Variants in LRRTM4 observed in about 807,000 individuals in gnomAD.
The protein encoded by LRRTM4 is leucine rich repeat transmembrane neuronal 4.
A neutral mutation model predicts 47.6 loss-of-function variants in LRRTM4; 25 were observed. The ratio of observed to expected loss-of-function variants is 0.53; its 90% CI spans 0.38 to 0.73. The LOEUF is 0.73. Ranked by LOEUF, LRRTM4 falls within the 30% of genes least tolerant of loss-of-function variation. The pLI is 0.00. For missense variants in LRRTM4, 638 were observed against 713.4 expected, an observed-to-expected ratio of 0.89 and a Z score of 1.20; for synonymous variants, 311 against 269.5, an observed-to-expected ratio of 1.15 and a Z score of -1.51.
chr2:77,260,110 G>C (rs527453513), intron 3 of LRRTM4, among the ~76,000 whole-genome samples: 1 of 152,120 alleles, frequency 6.6e-6, no homozygotes, highest in South Asian at 2.1e-4. Context: ...TTCTGTGTTA[G>C]ATGATTATAG....
chr2:77,038,498 T>G (rs953295749), intron 3 of LRRTM4, among the ~76,000 whole-genome samples: 5 of 151,574 alleles, frequency 3.3e-5, no homozygotes, highest in African/African-American at 1.2e-4. Flanking sequence ...AAGTAATATT[T>G]TAGCATTGTG....
chr2:77,369,576 A>G (rs1672585737), intron 3 of LRRTM4, among the ~76,000 whole-genome samples: 1 of 151,828 alleles, frequency 6.6e-6, no homozygotes, highest in East Asian at 1.9e-4. Context: ...GTGAGATAAT[A>G]GATATGTTAA....
intron 3 of LRRTM4, among the ~76,000 whole-genome samples, chr2:77,004,808 G>A (rs565154838): frequency 7.2e-5 from 11 of 152,268 alleles, no homozygotes; most frequent in African/African-American, 2.4e-4. Context: ...GCCCAAGGTC[G>A]TGAAAATCCA....
At chr2:77,053,483 T>G (rs1292114569) in intron 3 of LRRTM4, among the ~76,000 whole-genome samples, 6 of 152,122 alleles carry the variant, frequency 3.9e-5, no homozygotes, top group Non-Finnish European at 8.8e-5. Flanking sequence ...ATTGTAGGCC[T>G]AGGACTCTCA....
At chr2:76,778,418 A>G (rs1214381392) in intron 3 of LRRTM4, among the ~76,000 whole-genome samples, 3 of 145,720 alleles carry the variant, frequency 2.1e-5, no homozygotes, top group Non-Finnish European at 4.5e-5. Context: ...TAAGCTATTG[A>G]TTATTGCCAC....
At chr2:76,918,056 A>C (rs991022415) in intron 3 of LRRTM4, among the ~76,000 whole-genome samples, 1 of 152,198 alleles carries the variant, frequency 6.6e-6, no homozygotes, top group Non-Finnish European at 1.5e-5. Context: ...ACACCATTTG[A>C]TATTTTAAGG....
At chr2:77,022,259 A>C (rs138540905) in intron 3 of LRRTM4, among the ~76,000 whole-genome samples, 4 of 152,280 alleles carry the variant, frequency 2.6e-5, no homozygotes, top group African/African-American at 7.2e-5. Context: ...TCCATGATTC[A>C]AATTATCTCC....
At chr2:77,217,058 G>C (rs948106157) in intron 3 of LRRTM4, among the ~76,000 whole-genome samples, 12 of 141,600 alleles carry the variant, frequency 8.5e-5, no homozygotes, top group African/African-American at 3.4e-4. Flanking sequence ...GGGCGACAGA[G>C]TGAGACTCTG....
intron 3 of LRRTM4, among the ~76,000 whole-genome samples, chr2:77,362,115 G>GAGAAAGAAAGAGAGAAAGAAAGAA (rs1553434347): frequency 3.6e-4 from 36 of 98,834 alleles, no homozygotes; most frequent in African/African-American, 1.6e-3. Flanking sequence ...GAAAGAAAGA[G>GAGAAAGAAAGAGAGAAAGAAAGAA]AGAAAGAAAG....
chr2:77,018,094 T>C (rs1678134282), intron 3 of LRRTM4, among the ~76,000 whole-genome samples: 4 of 151,940 alleles, frequency 2.6e-5, no homozygotes, highest in Admixed American at 2.0e-4. Flanking sequence ...TAAGAAAGAA[T>C]TGAAAGTACT....
At chr2:77,312,089 T>C (rs1004063246) in intron 3 of LRRTM4, among the ~76,000 whole-genome samples, 3 of 152,168 alleles carry the variant, frequency 2.0e-5, no homozygotes, top group Admixed American at 2.0e-4. Context: ...CCATAAACTG[T>C]TGAAACATGT....
At chr2:76,830,515 C>CGT (rs57566911) in intron 3 of LRRTM4, among the ~76,000 whole-genome samples, 27,706 of 143,918 alleles carry the variant, frequency 0.19, 2,515 homozygotes, top group Non-Finnish European at 0.2. Flanking sequence ...GCAGTGTGTG[C>CGT]GTGTGTGTGT....
At chr2:77,219,334 C>T (rs1674551947) in intron 3 of LRRTM4, among the ~76,000 whole-genome samples, 1 of 152,146 alleles carries the variant, frequency 6.6e-6, no homozygotes, top group Admixed American at 6.6e-5. Context: ...TACTGATCAT[C>T]ATCTGAATTA....
chr2:76,902,349 A>T (rs77305501), intron 3 of LRRTM4, among the ~76,000 whole-genome samples: 12,315 of 152,020 alleles, frequency 0.081, 886 homozygotes, highest in East Asian at 0.37. Flanking sequence ...ACCATGATTT[A>T]AAAAAAATAA....
intron 3 of LRRTM4, among the ~76,000 whole-genome samples, chr2:77,068,250 A>G (rs1274750393): frequency 4.6e-5 from 7 of 152,226 alleles, no homozygotes; most frequent in Non-Finnish European, 8.8e-5. Flanking sequence ...TGCCAGCTAG[A>G]AACTTGTAAG....
At chr2:77,435,506 T>G (rs929172858) in intron 3 of LRRTM4, among the ~76,000 whole-genome samples, 7 of 152,148 alleles carry the variant, frequency 4.6e-5, no homozygotes, top group African/African-American at 1.7e-4. Context: ...TTATATAAAA[T>G]GATTATAATG....
chr2:77,130,607 G>A (rs942622756), intron 3 of LRRTM4, among the ~76,000 whole-genome samples: 98 of 151,406 alleles, frequency 6.5e-4, no homozygotes, highest in African/African-American at 2.3e-3. Flanking sequence ...CGCCTCCCGG[G>A]TTCACACCAT....
intron 3 of LRRTM4, among the ~76,000 whole-genome samples, chr2:77,302,374 A>G (rs551286601): frequency 6.6e-6 from 1 of 152,194 alleles, no homozygotes; most frequent in Non-Finnish European, 1.5e-5. Flanking sequence ...TATTTCAAAT[A>G]TACACTTATT....
At chr2:77,318,168 C>G (rs939897443) in intron 3 of LRRTM4, among the ~76,000 whole-genome samples, 12 of 151,438 alleles carry the variant, frequency 7.9e-5, no homozygotes, top group Admixed American at 1.3e-4. Context: ...CACCACGCCC[C>G]GCTAATTTTT....
Sources: allele counts gnomAD v4.1 joint callset (sites outside exome capture counted in the v4.1 genomes callset), GRCh38; gene constraint gnomAD v4.1.1; transcripts MANE v1.5; gene names NCBI Gene and HGNC (gene_info 2026-07-23, HGNC 2026-07-21).